The following PCDH15 variants were observed in gnomAD, a reference collection of about 807,000 sequenced individuals.
The protein encoded by PCDH15 is protocadherin related 15.
In PCDH15, 129 loss-of-function variants were observed where a neutral mutation model predicts 178.5. The ratio of observed to expected loss-of-function variants is 0.72; its 90% CI spans 0.63 to 0.84. PCDH15 has a LOEUF of 0.84. Among genes scored for constraint, PCDH15 ranks in the 40% least tolerant of loss-of-function variants. The pLI is 0.00. For synonymous variants in PCDH15, 800 were observed against 732.0 expected, an observed-to-expected ratio of 1.09 and a Z score of -1.50; for missense variants, 2,230 against 2,099.9, an observed-to-expected ratio of 1.06 and a Z score of -1.21.
chr10:54,476,742 C>T (rs1338526283), intron 3 of PCDH15, among the ~76,000 whole-genome samples: 1 of 152,080 alleles, frequency 6.6e-6, no homozygotes, highest in Non-Finnish European at 1.5e-5. Context: ...GAAACCTTTT[C>T]TACACTCCAG....
chr10:55,514,273 A>G (rs1447750306), intron 2 of PCDH15, among the ~76,000 whole-genome samples: 1 of 152,148 alleles, frequency 6.6e-6, no homozygotes, highest in African/African-American at 2.4e-5. Context: ...CATTTTTGGA[A>G]ACAATACAAA....
At chr10:54,796,325 C>CT (rs1952010720) in intron 1 of PCDH15, among the ~76,000 whole-genome samples, 1 of 122,498 alleles carries the variant, frequency 8.2e-6, no homozygotes, top group African/African-American at 3.1e-5. Context: ...TATCTATCAT[C>CT]ATCATCTAGG....
intron 2 of PCDH15, among the ~76,000 whole-genome samples, chr10:55,019,122 A>C (rs188192391): frequency 6.6e-6 from 1 of 152,306 alleles, no homozygotes; most frequent in Non-Finnish European, 1.5e-5. Flanking sequence ...ATTATCAATC[A>C]CTGACACGAA....
intron 1 of PCDH15, among the ~76,000 whole-genome samples, chr10:54,718,445 A>G (rs1183713066): frequency 6.6e-6 from 1 of 152,022 alleles, no homozygotes; most frequent in Non-Finnish European, 1.5e-5. Context: ...TACAAAGGCT[A>G]TATGTAACCA....
intron 1 of PCDH15, among the ~76,000 whole-genome samples, chr10:55,198,267 GCT>G (rs1840148249): frequency 6.6e-6 from 1 of 152,006 alleles, no homozygotes; most frequent in Admixed American, 6.5e-5. Context: ...ATATGGTTTG[GCT>G]CTGTGTCTCT....
intron 23 of PCDH15, among the ~76,000 whole-genome samples, chr10:53,942,137 T>C: frequency 6.6e-6 from 1 of 152,248 alleles, no homozygotes; most frequent in East Asian, 1.9e-4. Context: ...ACAGATACTC[T>C]AGCACCTAAT....
chr10:54,642,724 T>C (rs1408332359), intron 2 of PCDH15, among the ~76,000 whole-genome samples: 1 of 152,192 alleles, frequency 6.6e-6, no homozygotes, highest in Non-Finnish European at 1.5e-5. Flanking sequence ...TTACATTGTT[T>C]TTTATACCTT....
intron 9 of PCDH15, among the ~76,000 whole-genome samples, chr10:54,234,394 A>C (rs1182271065): frequency 6.6e-6 from 1 of 152,146 alleles, no homozygotes; most frequent in Admixed American, 6.5e-5. Context: ...TCCTATATTA[A>C]AGAAGAATAA....
Position 53,840,247 on chromosome 10 carries a change from T to C in PCDH15, c.3983+73A>G, listed in dbSNP as rs1020289352. 107 of 1,515,676 alleles carry C rather than the reference T, an allele frequency of 7.1e-5. 1 individual carries two copies. In the African/African-American group the frequency reaches 9.7e-4, roughly 14 times the overall value. 93.9% of individuals were successfully genotyped at this position (1,515,676 alleles called of 1,614,324 possible). ...GTGGGTTTTAAACTTTAAGTACTTATAGCCTCAAGTCAGAATCATCTATGG... is the reference window on the plus strand; with the variant it reads ...GTGGGTTTTAAACTTTAAGTACTTACAGCCTCAAGTCAGAATCATCTATGG... On this transcript the variant is annotated intron_variant, in intron 29 of 37. Coordinates refer to ENST00000644397, the MANE Select transcript of PCDH15 (RefSeq NM_001384140.1).
chr10:55,433,284 A>G (rs1376645736), intron 2 of PCDH15, among the ~76,000 whole-genome samples: 2 of 152,180 alleles, frequency 1.3e-5, no homozygotes, highest in African/African-American at 4.8e-5. Context: ...AAGAAGAAGA[A>G]CATGTCCTTT....
chr10:54,920,596 G>A (rs1203742388), intron 2 of PCDH15, among the ~76,000 whole-genome samples: 1 of 150,480 alleles, frequency 6.6e-6, no homozygotes, highest in East Asian at 2.0e-4. Flanking sequence ...TCTTCTCAAA[G>A]TAATTATTCC....
rs1263815123 is a variant in PCDH15, at chr10:53,909,597, A to G, written c.3374-6227T>C. ...CAGCTCCCAGCGTGCTTGGCGCAGA[A>G]GACGGGTGATTTCTGCATTTCCAAC... On this transcript the variant is annotated intron_variant, in intron 25 of 37. Coordinates refer to ENST00000644397, the MANE Select transcript of PCDH15 (RefSeq NM_001384140.1). Among the ~76,000 whole-genome samples, 5 of 152,230 alleles carry G rather than the reference A, an allele frequency of 3.3e-5. No homozygotes were observed. In the South Asian group the frequency reaches 6.2e-4, roughly 19 times the overall value.
chr10:54,598,605 G>A (rs749057561), intron 2 of PCDH15, among the ~76,000 whole-genome samples: 5 of 152,036 alleles, frequency 3.3e-5, no homozygotes, highest in Non-Finnish European at 7.4e-5. Context: ...ATTCAACACA[G>A]TATTGGAAAT....
intron 26 of PCDH15, among the ~76,000 whole-genome samples, chr10:53,878,181 G>GCGCACACA (rs150931761): frequency 2.7e-3 from 334 of 124,920 alleles, no homozygotes; most frequent in Non-Finnish European, 4.4e-3. Flanking sequence ...CTATACTATG[G>GCGCACACA]CACACACACA....
In PCDH15 at chr10:54,106,256, G is replaced by C. The variant is rs77585368; in HGVS notation, c.1918-16193C>G. On this transcript the variant is annotated intron_variant, in intron 15 of 37. Transcript: ENST00000644397. ...ACATTAAATTGTGTACTTTAAATTG[G>C]TAGATTTTAGGGTAAATGAATTATA... Among the ~76,000 whole-genome samples the C allele has an allele frequency of 2.6e-4, 40 of 152,294 alleles. No homozygotes were observed. The East Asian group carries it at 7.3e-3, about 28-fold the overall frequency.
rs530149750 is a variant in PCDH15, at chr10:54,657,756, G to A, written c.91+6416C>T. Among the ~76,000 whole-genome samples, 4 of 152,324 alleles carry A rather than the reference G, an allele frequency of 2.6e-5. No individual in the cohort carries two copies. In the East Asian group the frequency reaches 7.7e-4, roughly 29 times the overall value. ...ATAAGAAGTGATATCTCCTTTAGAT[G>A]AGAAAGAATCAATGCATGAACTCTA... is the stretch of plus-strand genomic sequence containing the variant. On this transcript the variant is annotated intron_variant, in intron 2 of 37. Transcript: ENST00000644397.
intron 3 of PCDH15, among the ~76,000 whole-genome samples, chr10:54,516,433 T>G (rs936098418): frequency 2.0e-5 from 3 of 151,868 alleles, no homozygotes; most frequent in African/African-American, 7.3e-5. Context: ...CAGGAGCCGA[T>G]GAGATCAACT....
chr10:53,817,527 CT>C (rs568238130), intron 34 of PCDH15, among the ~76,000 whole-genome samples: 2,260 of 95,024 alleles, frequency 0.024, 18 homozygotes, highest in African/African-American at 0.079. Flanking sequence ...TTTTTTTTTT[CT>C]TTTTTTTTTT....
intron 2 of PCDH15, among the ~76,000 whole-genome samples, chr10:54,591,338 G>A (rs766038009): frequency 3.0e-4 from 46 of 152,200 alleles, no homozygotes; most frequent in Non-Finnish European, 6.0e-4. Context: ...GCTGTGGTCA[G>A]GGAGAGAAAT....
Sources: allele counts gnomAD v4.1 joint callset (sites outside exome capture counted in the v4.1 genomes callset), GRCh38; gene constraint gnomAD v4.1.1; transcripts MANE v1.5; gene names NCBI Gene and HGNC (gene_info 2026-07-23, HGNC 2026-07-21).